VPS13D: variants seen among roughly 807,000 people sequenced by gnomAD.
The protein encoded by VPS13D is intermembrane lipid transfer protein VPS13D.
A neutral mutation model predicts 461.9 loss-of-function variants in VPS13D; 187 were observed. The ratio of observed to expected loss-of-function variants is 0.40; its 90% CI spans 0.36 to 0.46. The LOEUF (loss-of-function observed/expected upper bound fraction) is 0.46, where lower values mean the gene tolerates loss of function less well. VPS13D is among the 20% of genes least tolerant of loss of function. The pLI is 0.60. For missense variants in VPS13D, 4,711 were observed against 5,364.9 expected (o/e 0.88, Z 3.81); for synonymous variants, 1,951 against 1,986.3 (o/e 0.98, Z 0.47).
chr1:12,308,058 T>A (rs916105413), intron 26 of VPS13D, among the ~76,000 whole-genome samples: 4 of 152,138 alleles, frequency 2.6e-5, no homozygotes, highest in South Asian at 2.1e-4. Context: ...CTGGAGAAAG[T>A]TTGTAAACCT....
chr1:12,342,846 G>A (rs1211372436), intron 41 of VPS13D, 53 bp from the exon 42 acceptor site: 10 of 1,549,082 alleles, frequency 6.5e-6, no homozygotes, highest in Non-Finnish European at 8.8e-6. Context: ...GCTCCTGTGA[G>A]AGGGAGCTGG....
rs958241719 is a variant in VPS13D, at chr1:12,322,725, C to T, written c.7894C>T (p.His2632Tyr). ...AGAGGAAATCAGAGAAGGGACAAGA[C>T]ACACCTTAGATCCTGTCTTGGGTAG... ...VGEEIREGTRHTLDPVLELQL... is the reference protein window; with the variant it reads ...VGEEIREGTRYTLDPVLELQL... The change falls in exon 34 of 70, where the codon CAC becomes TAC. Residue 2632 changes from histidine to tyrosine, a missense_variant. By Grantham distance (83) the His-to-Tyr change is moderately conservative. This residue lies in a region of VPS13D where 4,411 missense variants were observed against 4,937.8 expected (regional missense o/e 0.89). Transcript: ENST00000620676. The T allele has an allele frequency of 1.2e-6, 2 of 1,614,174 alleles. No homozygotes were observed. The highest frequency in any genetic ancestry group is 8.5e-7 in the Non-Finnish European group (1 of 1,180,004).
At chr1:12,361,434 C>T (rs1404709569) in intron 50 of VPS13D, among the ~76,000 whole-genome samples, 16 of 145,106 alleles carry the variant, frequency 1.1e-4, no homozygotes, top group Admixed American at 6.3e-4. Context: ...CTCGCTCTGT[C>T]GCCCAGGCTG....
chr1:12,448,086 G>T (rs1557444903), intron 65 of VPS13D, among the ~76,000 whole-genome samples: 2 of 152,154 alleles, frequency 1.3e-5, no homozygotes, highest in African/African-American at 4.8e-5. Flanking sequence ...GTCGCCGTGG[G>T]TAACTCCATG....
chr1:12,508,024 TC>T (rs1433965986), intron 69 of VPS13D, among the ~76,000 whole-genome samples: 2 of 152,198 alleles, frequency 1.3e-5, no homozygotes, highest in Non-Finnish European at 2.9e-5. Flanking sequence ...TCCTTTGGCC[TC>T]CCCCTGCTCA....
In VPS13D at chr1:12,275,902, CT is replaced by C. The variant is rs1263796874; in HGVS notation, c.2315del (p.Leu772ArgfsTer37). 2 of 1,613,862 alleles carry C rather than the reference CT, an allele frequency of 1.2e-6. No individual in the cohort carries two copies. Among genetic ancestry groups the C allele is most frequent in the Non-Finnish European group, 1.7e-6 (2 of 1,179,960 alleles). ...QFSDDEYKTP[L>X]ATPPNTPPPE... Reference sequence around the variant, plus strand: ...TAGTGATGATGAATATAAGACCCCCCTGGCCACACCTCCTAACACCCCACCT... The same window carrying C: ...TAGTGATGATGAATATAAGACCCCCCGGCCACACCTCCTAACACCCCACCT... On this transcript the variant is annotated frameshift_variant, in exon 19 of 70. Transcript: ENST00000620676. LOFTEE classifies it high-confidence loss of function.
intron 27 of VPS13D, among the ~76,000 whole-genome samples, chr1:12,309,981 T>G (rs993125651): frequency 6.6e-6 from 1 of 152,140 alleles, no homozygotes; most frequent in Non-Finnish European, 1.5e-5. Flanking sequence ...CCCTGGCTGG[T>G]GTTCAGTTAT....
chr1:12,231,385 C>T (rs1278590952), intron 1 of VPS13D, among the ~76,000 whole-genome samples: 3 of 152,164 alleles, frequency 2.0e-5, no homozygotes, highest in Non-Finnish European at 4.4e-5. Context: ...TGGTTTGGGC[C>T]TCAATGTTAC....
At chr1:12,311,966 T>A in intron 29 of VPS13D, 41 bp downstream of exon 29, 1 of 1,521,060 alleles carries the variant, frequency 6.6e-7, no homozygotes. Context: ...AGTAACAGTA[T>A]CCAAATAATA....
intron 64 of VPS13D, 112 bp downstream of exon 64, chr1:12,415,333 C>A: frequency 1.4e-6 from 2 of 1,402,198 alleles, no homozygotes; most frequent in Non-Finnish European, 2.0e-6. Context: ...TTAAACATTT[C>A]AACTCTGTTG....
In VPS13D at chr1:12,268,848, T is replaced by C. The variant is rs1299515387; in HGVS notation, c.1944T>C (p.Phe648=). Residue 648 remains phenylalanine (F), a synonymous_variant, in exon 16 of 70, where the codon TTT becomes TTC. Coordinates refer to ENST00000620676, the MANE Select transcript of VPS13D (RefSeq NM_015378.4). ...AGGCCATTAAAAAAGTAGCAGACTT[T>C]TTCTACAAGGGAAAGGTTCATACCT... is the stretch of plus-strand genomic sequence containing the variant. ...NPQAIKKVAD[F]FYKGKVHTSG... is the part of the protein sequence containing the mutation. The C allele has an allele frequency of 6.2e-7, 1 of 1,613,156 alleles. No homozygotes were observed. Among genetic ancestry groups the C allele is most frequent in the African/African-American group, 1.3e-5 (1 of 74,876 alleles).
intron 5 of VPS13D, among the ~76,000 whole-genome samples, chr1:12,246,302 T>G (rs1324784136): frequency 6.6e-6 from 1 of 152,146 alleles, no homozygotes; most frequent in Non-Finnish European, 1.5e-5. Flanking sequence ...TTCAGGTCCT[T>G]AAGAAAGACA....
intron 9 of VPS13D, among the ~76,000 whole-genome samples, chr1:12,257,458 A>G (rs959182533): frequency 2.7e-4 from 41 of 152,052 alleles, no homozygotes; most frequent in Non-Finnish European, 5.6e-4. Context: ...TTTACATAGT[A>G]CTCTTTGCAG....
chr1:12,359,353 G>T (rs1643918460), intron 50 of VPS13D, among the ~76,000 whole-genome samples: 1 of 151,962 alleles, frequency 6.6e-6, no homozygotes, highest in African/African-American at 2.4e-5. Flanking sequence ...ATCTATGACT[G>T]CATGGTCCTG....
chr1:12,464,358 A>C (rs1315052694), intron 67 of VPS13D, among the ~76,000 whole-genome samples: 1 of 152,192 alleles, frequency 6.6e-6, no homozygotes, highest in Non-Finnish European at 1.5e-5. Context: ...AATTGGAATG[A>C]GACTTTCTGC....
chr1:12,313,185 T>A (rs984456857), intron 29 of VPS13D, among the ~76,000 whole-genome samples: 5 of 152,156 alleles, frequency 3.3e-5, no homozygotes, highest in African/African-American at 1.2e-4. Flanking sequence ...TTCTAGTTAG[T>A]CTTTCTGTTG....
At chr1:12,396,454 A>G in intron 60 of VPS13D, among the ~76,000 whole-genome samples, 1 of 152,198 alleles carries the variant, frequency 6.6e-6, no homozygotes, top group East Asian at 1.9e-4. Flanking sequence ...TGCTATCAGA[A>G]CAACTTCTAT....
At chr1:12,282,391 G>A (rs1450767417) in intron 20 of VPS13D, among the ~76,000 whole-genome samples, 1 of 152,102 alleles carries the variant, frequency 6.6e-6, no homozygotes, top group African/African-American at 2.4e-5. Context: ...CCAGACTTTT[G>A]TCAACACTCT....
intron 1 of VPS13D, among the ~76,000 whole-genome samples, chr1:12,232,155 A>G (rs561657147): frequency 1.8e-4 from 20 of 110,220 alleles, no homozygotes; most frequent in Admixed American, 1.7e-3. Context: ...CCATTTGCAG[A>G]AAAAAAAATC....
Sources: gnomAD v4.1 joint callset for allele counts (sites outside exome capture counted in the v4.1 genomes callset) on GRCh38, gnomAD v4.1.1 for gene constraint, gnomAD v4.1.1 regional missense constraint, MANE v1.5 for transcripts, NCBI Gene and HGNC (gene_info 2026-07-23, HGNC 2026-07-21) for gene names.